Variants in COLEC12 observed in about 807,000 individuals in gnomAD.
COLEC12 encodes the protein collectin subfamily member 12.
Under a neutral mutation model 71.1 loss-of-function variants are expected in COLEC12, and 33 were observed. The ratio of observed to expected loss-of-function variants is 0.46; its 90% CI spans 0.35 to 0.62. The LOEUF (loss-of-function observed/expected upper bound fraction) is 0.62. Ranked by LOEUF, COLEC12 falls within the 20% of genes least tolerant of loss-of-function variation. The probability of loss-of-function intolerance (pLI) is 0.00; values close to 1 mark genes in which losing one functional copy is unlikely to be tolerated. For synonymous variants in COLEC12, 350 were observed against 353.0 expected (o/e 0.99, Z 0.10); for missense variants, 765 against 916.1 (o/e 0.84, Z 2.13).
intron 2 of COLEC12, among the ~76,000 whole-genome samples, chr18:477,282 GAAT>G (rs1219143081): frequency 6.6e-6 from 1 of 152,180 alleles, no homozygotes; most frequent in Non-Finnish European, 1.5e-5. Flanking sequence ...AAACACCTCT[GAAT>G]AATAACTCTC....
intron 2 of COLEC12, among the ~76,000 whole-genome samples, chr18:418,720 G>C (rs1916036926): frequency 6.6e-6 from 1 of 152,170 alleles, no homozygotes; most frequent in Non-Finnish European, 1.5e-5. Flanking sequence ...CAGATGCCAT[G>C]GCAACATCAG....
At chr18:448,549 A>G (rs1916697789) in intron 2 of COLEC12, among the ~76,000 whole-genome samples, 1 of 152,192 alleles carries the variant, frequency 6.6e-6, no homozygotes, top group Non-Finnish European at 1.5e-5. Context: ...CCAACCCCCA[A>G]GCCCCTGCCA....
intron 2 of COLEC12, among the ~76,000 whole-genome samples, chr18:465,126 G>A (rs1917060275): frequency 6.6e-6 from 1 of 152,206 alleles, no homozygotes; most frequent in South Asian, 2.1e-4. Context: ...TTGTTTTTGA[G>A]AAAGGGTGTC....
rs187377526 is a variant in COLEC12 at position 491,047 on chromosome 18, A to G, written c.7+9461T>C. Among the ~76,000 whole-genome samples, 37 of 152,302 alleles carry G rather than the reference A, an allele frequency of 2.4e-4. No individual in the cohort carries two copies. The Middle Eastern group carries it at 0.01, about 42-fold the overall frequency. ...TGTTAAAATATTTAAGTGCTTCCAA[A>G]CCAGCTGGTTGAAGAACAATGGCCT... is the stretch of plus-strand genomic sequence containing the variant. On this transcript the variant is annotated intron_variant, in intron 1 of 9. Transcript: ENST00000400256.
intron 2 of COLEC12, among the ~76,000 whole-genome samples, chr18:443,627 G>A (rs1407327765): frequency 3.3e-5 from 5 of 152,184 alleles, no homozygotes; most frequent in South Asian, 2.1e-4. Context: ...AGCAAGAATC[G>A]GAGGAAATCT....
intron 8 of COLEC12, among the ~76,000 whole-genome samples, chr18:324,448 T>G (rs1913787413): frequency 6.6e-6 from 1 of 152,026 alleles, no homozygotes; most frequent in South Asian, 2.1e-4. Context: ...ACCAGGAATC[T>G]TGGAAATGCT....
intron 8 of COLEC12, 142 bp from the exon 9 acceptor site, chr18:321,949 A>C: frequency 1.3e-6 from 1 of 784,774 alleles, no homozygotes; most frequent in Non-Finnish European, 2.0e-6. Flanking sequence ...AAATCAGTAC[A>C]TGCTCTTATT....
intron 2 of COLEC12, among the ~76,000 whole-genome samples, chr18:375,104 G>A (rs1450628849): frequency 1.3e-5 from 2 of 152,226 alleles, no homozygotes. Context: ...ACAAATAGAA[G>A]TGTCCTTCCT....
At chr18:324,344 G>C (rs1280247970) in intron 8 of COLEC12, among the ~76,000 whole-genome samples, 1 of 152,152 alleles carries the variant, frequency 6.6e-6, no homozygotes, top group African/African-American at 2.4e-5. Flanking sequence ...TGAAGTCTGG[G>C]GCTCAAAGCC....
At chr18:493,522 TCTGAAC>T (rs1440275178) in intron 1 of COLEC12, among the ~76,000 whole-genome samples, 1 of 152,242 alleles carries the variant, frequency 6.6e-6, no homozygotes, top group African/African-American at 2.4e-5. Context: ...AGCCAGATTA[TCTGAAC>T]CTCAAACAGG....
intron 2 of COLEC12, among the ~76,000 whole-genome samples, chr18:464,020 G>T (rs1467860955): frequency 6.6e-6 from 1 of 152,080 alleles, no homozygotes; most frequent in African/African-American, 2.4e-5. Context: ...TCCCTTTCTT[G>T]GTTCTTTCTC....
Position 468,670 on chromosome 18 carries a change from C to T in COLEC12, c.58+12037G>A, listed in dbSNP as rs138146182. On this transcript the variant is annotated intron_variant, in intron 2 of 9. Transcript: ENST00000400256. ...GTAAATAATGAGCATTTATGGAGTA[C>T]CTTTTAAGTGCCAGGCATTGTGCTA... Among the ~76,000 whole-genome samples, 14 of 152,274 alleles carry T rather than the reference C, an allele frequency of 9.2e-5. No homozygotes were observed. The East Asian group carries it at 2.5e-3, about 27-fold the overall frequency.
intron 2 of COLEC12, among the ~76,000 whole-genome samples, chr18:476,150 C>T (rs1198141177): frequency 2.0e-5 from 3 of 152,166 alleles, no homozygotes; most frequent in Non-Finnish European, 4.4e-5. Context: ...TCTGATACCC[C>T]GTTTTGGACT....
rs141439227 is a variant in COLEC12 at position 336,598 on chromosome 18, G to A, written c.1328-1368C>T. On this transcript the variant is annotated intron_variant, in intron 5 of 9. Transcript: ENST00000400256. ...TTATGCCACCTGACCTTGCCTGTGC[G>A]GTAGAATTCTCATTGCATAAATGAG... is the stretch of plus-strand genomic sequence containing the variant. Among the ~76,000 whole-genome samples, 21 of 152,186 alleles carry A rather than the reference G, an allele frequency of 1.4e-4. 2 individuals are homozygous for A. Among genetic ancestry groups the A allele is most frequent in the African/African-American group, 4.6e-4 (19 of 41,512 alleles).
chr18:483,921 T>G (rs185635339), intron 1 of COLEC12, among the ~76,000 whole-genome samples: 1 of 152,356 alleles, frequency 6.6e-6, no homozygotes, highest in Non-Finnish European at 1.5e-5. Flanking sequence ...ATCCGTGCCC[T>G]TGGCCAGCTC....
intron 1 of COLEC12, among the ~76,000 whole-genome samples, chr18:497,383 G>GGTGGGTGTGTGT (rs1917731755): frequency 6.8e-6 from 1 of 147,052 alleles, no homozygotes; most frequent in African/African-American, 2.5e-5. Flanking sequence ...TAAAGAATGG[G>GGTGGGTGTGTGT]GTGTGTGTGT....
At chr18:374,302 A>C (rs935858128) in intron 2 of COLEC12, among the ~76,000 whole-genome samples, 3 of 152,230 alleles carry the variant, frequency 2.0e-5, no homozygotes, top group African/African-American at 7.2e-5. Context: ...TGGACTTTTA[A>C]TATTAGGGAA....
intron 5 of COLEC12, among the ~76,000 whole-genome samples, chr18:342,766 G>T (rs1276268095): frequency 6.6e-6 from 1 of 152,184 alleles, no homozygotes; most frequent in Non-Finnish European, 1.5e-5. Context: ...TGGTTGGCTT[G>T]GGAAGCTTCT....
intron 2 of COLEC12, among the ~76,000 whole-genome samples, chr18:471,599 A>G (rs563653103): frequency 4.6e-5 from 7 of 151,490 alleles, no homozygotes; most frequent in African/African-American, 1.7e-4. Flanking sequence ...TAAAGTTTAT[A>G]TAAAATAATT....
Sources: allele counts gnomAD v4.1 joint callset (sites outside exome capture counted in the v4.1 genomes callset), GRCh38; gene constraint gnomAD v4.1.1; transcripts MANE v1.5; gene names NCBI Gene and HGNC (gene_info 2026-07-23, HGNC 2026-07-21).